PRKAB1: variants seen among roughly 807,000 people sequenced by gnomAD.
PRKAB1 encodes 5'-AMP-activated protein kinase subunit beta-1.
Under a neutral mutation model 32.0 loss-of-function variants are expected in PRKAB1, and 18 were observed. The ratio of observed to expected loss-of-function variants is 0.56; its 90% CI spans 0.39 to 0.83. The LOEUF is 0.83. PRKAB1 is among the 40% of genes least tolerant of loss of function. The probability of loss-of-function intolerance (pLI) is 0.00; values close to 1 mark genes in which losing one functional copy is unlikely to be tolerated. For synonymous variants in PRKAB1, 141 were observed against 141.4 expected (o/e 1.00, Z 0.02); for missense variants, 263 against 352.6 (o/e 0.75, Z 2.03).
At chr12:119,672,147 T>C (rs1955392589) in intron 1 of PRKAB1, 154 bp from the exon 2 acceptor site, 1 of 697,774 alleles carries the variant, frequency 1.4e-6, no homozygotes, top group African/African-American at 1.8e-5. Flanking sequence ...TATATTTCTA[T>C]TTTGCAGGCA....
At chr12:119,676,939 T>C (rs1322169626) in intron 5 of PRKAB1, among the ~76,000 whole-genome samples, 2 of 152,240 alleles carry the variant, frequency 1.3e-5, no homozygotes, top group African/African-American at 2.4e-5. Flanking sequence ...AATTTACATT[T>C]CATGACAAAC....
chr12:119,670,803 T>C (rs980490102), intron 1 of PRKAB1, among the ~76,000 whole-genome samples: 1 of 152,228 alleles, frequency 6.6e-6, no homozygotes, highest in Admixed American at 6.5e-5. Context: ...TAATTAGTTA[T>C]CCTTAGTGTG....
At chr12:119,672,251 G>A (rs369294717) in intron 1 of PRKAB1, 50 bp from the exon 2 acceptor site, 48 of 1,516,180 alleles carry the variant, frequency 3.2e-5, no homozygotes, top group Non-Finnish European at 4.3e-5. Flanking sequence ...AATATTGTCT[G>A]TTGTAGGGAG....
At position 119,674,252 on chromosome 12, in the gene PRKAB1, G is replaced by T; in HGVS notation, c.418-88G>T. The stretch of plus-strand genomic sequence containing the variant: ...AGCAGGGTGGCTAGCCAGGAGATGA[G>T]GCCTTCCAGCCAGGAATTCCAAGTC... On this transcript the variant is annotated intron_variant, in intron 3 of 6. Coordinates refer to ENST00000229328, the MANE Select transcript of PRKAB1 (RefSeq NM_006253.5). The surrounding 1 kb of genome is among the most constrained non-coding windows in gnomAD (Gnocchi z 4.3). 8.5e-7 allele frequency: 1 copy of T among 1,171,828 alleles called. No homozygotes were observed. 72.6% of individuals were successfully genotyped at this position (1,171,828 alleles called of 1,614,324 possible). A position where few individuals can be genotyped will look rare whatever the true frequency, so the allele number is the denominator to read the frequency against.
In PRKAB1 at chr12:119,668,150, C is replaced by T. The variant is rs895294802; in HGVS notation, c.-95C>T. 3.7e-6 allele frequency: 5 copies of T among 1,360,766 alleles called. No homozygotes were observed. The highest frequency in any genetic ancestry group is 4.8e-6 in the Non-Finnish European group (5 of 1,047,204). 84.3% of individuals were successfully genotyped at this position (1,360,766 alleles called of 1,614,324 possible). A position where few individuals can be genotyped will look rare whatever the true frequency, so the allele number is the denominator to read the frequency against. On this transcript the variant is annotated 5_prime_UTR_variant, in exon 1 of 7. Transcript: ENST00000229328. The stretch of plus-strand genomic sequence containing the variant: ...GGTGCTCCGACTCCTTCCGCAGGCT[C>T]CTTGGGACCCGCGGTTCCGGGAGTC...
intron 2 of PRKAB1, among the ~76,000 whole-genome samples, chr12:119,672,987 T>C (rs1396361051): frequency 6.6e-6 from 1 of 152,202 alleles, no homozygotes; most frequent in African/African-American, 2.4e-5. Context: ...TCAGCACTTT[T>C]GGGGGCTGAG....
intron 2 of PRKAB1, among the ~76,000 whole-genome samples, chr12:119,673,451 C>T (rs563134901): frequency 6.6e-6 from 1 of 152,304 alleles, no homozygotes; most frequent in Admixed American, 6.5e-5. Flanking sequence ...CCACTCAGCA[C>T]AGCAGTCACA....
At chr12:119,676,289 T>G (rs1254326569) in intron 4 of PRKAB1, among the ~76,000 whole-genome samples, 1 of 152,186 alleles carries the variant, frequency 6.6e-6, no homozygotes, top group Non-Finnish European at 1.5e-5. Context: ...GCAGACTCAC[T>G]GGCTGGGCCG....
At position 119,672,473 on chromosome 12, in the gene PRKAB1, C is replaced by T. The variant is rs776577167; in HGVS notation, c.323+9C>T. The T allele has an allele frequency of 1.9e-6, 3 of 1,559,036 alleles. No individual in the cohort carries two copies. Among genetic ancestry groups the T allele is most frequent in the Non-Finnish European group, 2.6e-6 (3 of 1,150,088 alleles). ...CTTCCCCTCACCAGAAGGTAATTGC[C>T]TGGGGAGTGTTCACATATTTGTCTT... is the stretch of plus-strand genomic sequence containing the variant. On this transcript the variant is annotated intron_variant, in intron 2 of 6. Coordinates refer to ENST00000229328, the MANE Select transcript of PRKAB1 (RefSeq NM_006253.5).
At chr12:119,678,077 T>C (rs1440425447) in intron 5 of PRKAB1, 4 of 152,180 alleles carry the variant, frequency 2.6e-5, no homozygotes, top group Non-Finnish European at 4.4e-5. Context: ...TTTTGTTTTT[T>C]CTAGAAAAGG....
chr12:119,668,460 C>G, intron 1 of PRKAB1, 57 bp downstream of exon 1: 1 of 1,582,554 alleles, frequency 6.3e-7, no homozygotes, highest in East Asian at 2.3e-5. Context: ...GAGAGGAACC[C>G]TCCACTAGAT....
chr12:119,675,959 G>C (rs1389810804), intron 4 of PRKAB1, among the ~76,000 whole-genome samples: 1 of 152,156 alleles, frequency 6.6e-6, no homozygotes, highest in Non-Finnish European at 1.5e-5. Context: ...GAATAATCCA[G>C]ATACTCAAGC....
intron 4 of PRKAB1, among the ~76,000 whole-genome samples, chr12:119,675,016 C>G (rs1419513619): frequency 2.6e-5 from 4 of 152,254 alleles, no homozygotes; most frequent in African/African-American, 9.6e-5. Context: ...TAAAACTTCT[C>G]CATCTTGTAA....
chr12:119,671,009 G>A (rs1955384214), intron 1 of PRKAB1, among the ~76,000 whole-genome samples: 1 of 152,172 alleles, frequency 6.6e-6, no homozygotes, highest in Non-Finnish European at 1.5e-5. Context: ...AATCTAAAAG[G>A]TGCATGACTA....
At chr12:119,672,863 A>T (rs918735672) in intron 2 of PRKAB1, among the ~76,000 whole-genome samples, 27 of 152,208 alleles carry the variant, frequency 1.8e-4, no homozygotes, top group Admixed American at 1.1e-3. Context: ...TCGTTTCTGT[A>T]AAGAGGGAAT....
chr12:119,676,925 G>T (rs1955430462), intron 5 of PRKAB1, among the ~76,000 whole-genome samples: 1 of 152,196 alleles, frequency 6.6e-6, no homozygotes, highest in Admixed American at 6.5e-5. Flanking sequence ...TCTAAGCCCT[G>T]TTCAATTTAC....
At chr12:119,678,793 A>C (rs549100330) in intron 5 of PRKAB1, 1 of 152,372 alleles carries the variant, frequency 6.6e-6, no homozygotes, top group Admixed American at 6.5e-5. Context: ...CGTCTTGGCT[A>C]TTATGAATAG....
At chr12:119,672,643 A>C (rs556151821) in intron 2 of PRKAB1, among the ~76,000 whole-genome samples, 179 bp downstream of exon 2, 1 of 141,896 alleles carries the variant, frequency 7.0e-6, no homozygotes, top group African/African-American at 2.7e-5. Context: ...CTAGGTTTAG[A>C]GTACAGAAGA....
chr12:119,671,282 G>A (rs182094874), intron 1 of PRKAB1, among the ~76,000 whole-genome samples: 1 of 152,276 alleles, frequency 6.6e-6, no homozygotes, highest in Non-Finnish European at 1.5e-5. Context: ...TAATGACAGG[G>A]ACATATTCTG....
Sources: gnomAD v4.1 joint callset for allele counts (sites outside exome capture counted in the v4.1 genomes callset) on GRCh38, gnomAD v4.1.1 for gene constraint, Gnocchi (gnomAD v3.1) non-coding constraint, MANE v1.5 for transcripts, NCBI Gene and HGNC (gene_info 2026-07-23, HGNC 2026-07-21) for gene names.